Variants in CABP7 observed in about 807,000 individuals in gnomAD.
CABP7 encodes the protein calcium-binding protein 7.
Under a neutral mutation model 23.1 loss-of-function variants are expected in CABP7, and 13 were observed. The ratio of observed to expected loss-of-function variants is 0.56; its 90% confidence interval spans 0.37 to 0.90. The LOEUF is 0.90. Ranked by LOEUF, CABP7 falls within the 40% of genes least tolerant of loss-of-function variation. CABP7 has a pLI of 0.01. For missense variants in CABP7, 248 were observed against 295.6 expected, an observed-to-expected ratio of 0.84 and a Z score of 1.18; for synonymous variants, 123 against 115.3, an observed-to-expected ratio of 1.07 and a Z score of -0.43.
Position 29,731,559 on chromosome 22 carries a change from G to A in CABP7, c.*1990G>A, listed in dbSNP as rs1280001806. 3 of 564,280 alleles carry A rather than the reference G, an allele frequency of 5.3e-6. No individual in the cohort carries two copies. Among genetic ancestry groups the A allele is most frequent in the Non-Finnish European group, 5.8e-6 (2 of 342,782 alleles). The allele number at this position is 564,280 out of a possible 1,614,324, so 35.0% of individuals were successfully genotyped here. ...GAACTGAGCCCAAGGAAATAGCGGG[G>A]TTGCAGGCAGACATTGAGCTGCGAG... On this transcript the variant is annotated 3_prime_UTR_variant, in exon 5 of 5. Coordinates refer to ENST00000216144, the MANE Select transcript of CABP7 (RefSeq NM_182527.3).
At chr22:29,721,029 C>T (rs567508672) in intron 1 of CABP7, among the ~76,000 whole-genome samples, 18 of 152,270 alleles carry the variant, frequency 1.2e-4, no homozygotes, top group African/African-American at 4.3e-4. Flanking sequence ...CTGCTCTTGC[C>T]CGCTGCGGGG....
Position 29,729,583 on chromosome 22 carries a change from G to A in CABP7, c.*14G>A. ...GGCATGAAGTAGACGCCACCTGGAT[G>A]CCCCATCCACCGCATGCGGTGCCCG... On this transcript the variant is annotated 3_prime_UTR_variant, in exon 5 of 5. Coordinates refer to ENST00000216144, the MANE Select transcript of CABP7 (RefSeq NM_182527.3). 6.2e-7 allele frequency: 1 copy of A among 1,607,248 alleles called. No homozygotes were observed. Among genetic ancestry groups the A allele is most frequent in the Non-Finnish European group, 8.5e-7 (1 of 1,179,670 alleles).
rs1055834576 is a variant in CABP7 at position 29,720,337 on chromosome 22, C to T, written c.-88C>T. 8 of 605,158 alleles carry T rather than the reference C, an allele frequency of 1.3e-5. No individual in the cohort carries two copies. Among genetic ancestry groups the T allele is most frequent in the South Asian group, 5.9e-5 (1 of 16,970 alleles). The allele number at this position is 605,158 out of a possible 1,614,324, so 37.5% of individuals were successfully genotyped here. ...CCGCCCTCCGCAGCCGCGCGCCCCG[C>T]CCGCTCCAGCCGCCCCCGGGGCCGC... On this transcript the variant is annotated 5_prime_UTR_variant, in exon 1 of 5. Coordinates refer to ENST00000216144, the MANE Select transcript of CABP7 (RefSeq NM_182527.3). This position sits in a 1 kb window ranked among gnomAD's most constrained non-coding sequence, Gnocchi z 5.2.
At position 29,729,867 on chromosome 22, in the gene CABP7, G is replaced by C. The variant is rs994566147; in HGVS notation, c.*298G>C. The C allele has an allele frequency of 1.2e-5, 5 of 428,596 alleles. No homozygotes were observed. Among genetic ancestry groups the C allele is most frequent in the Non-Finnish European group, 2.1e-5 (5 of 235,746 alleles). 26.5% of individuals were successfully genotyped at this position (428,596 alleles called of 1,614,324 possible). On this transcript the variant is annotated 3_prime_UTR_variant, in exon 5 of 5. Coordinates refer to ENST00000216144, the MANE Select transcript of CABP7 (RefSeq NM_182527.3). ...CCAGGGGCTCCTGGGAAATTAAGGA[G>C]GGATTTGCACAGGAACCCCCAGGAC...
In CABP7 at chr22:29,720,782, G is replaced by A. The variant is rs1393270130; in HGVS notation, c.109+249G>A. Among the ~76,000 whole-genome samples the A allele has an allele frequency of 6.6e-6, 1 of 151,324 alleles. No homozygotes were observed. Among genetic ancestry groups the A allele is most frequent in the East Asian group, 1.9e-4 (1 of 5,130 alleles). On this transcript the variant is annotated intron_variant, in intron 1 of 4. Coordinates refer to ENST00000216144, the MANE Select transcript of CABP7 (RefSeq NM_182527.3). This position sits in a 1 kb window ranked among gnomAD's most constrained non-coding sequence, Gnocchi z 5.2. Reference sequence around the variant, plus strand: ...GTGGTCCCCAGCGCTGCGGAAACTTGCCGGGCCCCGCAGCGGGGTCACGGG... The same window carrying A: ...GTGGTCCCCAGCGCTGCGGAAACTTACCGGGCCCCGCAGCGGGGTCACGGG...
In CABP7 at chr22:29,725,844, G is replaced by A. The variant is rs5763437; in HGVS notation, c.110-1818G>A. Among the ~76,000 whole-genome samples, 7 of 152,338 alleles carry A rather than the reference G, an allele frequency of 4.6e-5. No individual in the cohort carries two copies. The East Asian group carries it at 1.4e-3, about 29-fold the overall frequency. ...TGGGGTGGGCAGAACATGTGGCCGG[G>A]CGAGGAGGCCAGCAGTGCTGGCCGG... On this transcript the variant is annotated intron_variant, in intron 1 of 4. Transcript: ENST00000216144.
chr22:29,720,608 CGGGGGCGGGGGGCG>C lies in CABP7; in HGVS notation c.109+84_109+97del. ...CCAGGTGAAGCGCGGGCCAGGGGCG[CGGGGGCGGGGGGCG>C]GGGGGCGGTCCGCAGGTGCCGGTTG... On this transcript the variant is annotated intron_variant, in intron 1 of 4. Coordinates refer to ENST00000216144, the MANE Select transcript of CABP7 (RefSeq NM_182527.3). This position sits in a 1 kb window ranked among gnomAD's most constrained non-coding sequence, Gnocchi z 5.2. The C allele has an allele frequency of 2.3e-6, 2 of 872,718 alleles. No individual in the cohort carries two copies. Among genetic ancestry groups the C allele is most frequent in the Non-Finnish European group, 1.6e-6 (1 of 622,320 alleles). 54.1% of individuals were successfully genotyped at this position (872,718 alleles called of 1,614,324 possible).
rs559839645 is a variant in CABP7, at chr22:29,729,627, C to T, written c.*58C>T. 710 of 1,590,832 alleles carry T rather than the reference C, an allele frequency of 4.5e-4. 10 individuals are homozygous for T. In the African/African-American group the frequency reaches 8.2e-3, roughly 18 times the overall value. On this transcript the variant is annotated 3_prime_UTR_variant, in exon 5 of 5. Transcript: ENST00000216144. The stretch of plus-strand genomic sequence containing the variant: ...GTGCCCGTGGCCCGCCCCACACCAC[C>T]GCCGCCTGCAGACCTCTCCCTTGGC...
rs750942247 is a variant in CABP7 at position 29,727,620 on chromosome 22, G to A, written c.110-42G>A. 9.3e-6 allele frequency: 15 copies of A among 1,611,676 alleles called. No homozygotes were observed. Among genetic ancestry groups the A allele is most frequent in the East Asian group, 6.7e-5 (3 of 44,818 alleles). ...GGGGGTCTGGAAAGGGGGTCTGTTG[G>A]GGACCGGGGTGAAGTCCCAGCCTAC... is the stretch of plus-strand genomic sequence containing the variant. On this transcript the variant is annotated intron_variant, in intron 1 of 4. Coordinates refer to ENST00000216144, the MANE Select transcript of CABP7 (RefSeq NM_182527.3). The surrounding 1 kb of genome is among the most constrained non-coding windows in gnomAD (Gnocchi z 4.2).
chr22:29,720,555 C>G lies in CABP7; in HGVS notation c.109+22C>G. ...GAGGGTGAGTGTCCGCCGGGATCCC[C>G]GCCCCGGCGGCCCTCCTACCTGTGC... is the stretch of plus-strand genomic sequence containing the variant. On this transcript the variant is annotated intron_variant, in intron 1 of 4. Transcript: ENST00000216144. This position sits in a 1 kb window ranked among gnomAD's most constrained non-coding sequence, Gnocchi z 5.2. The G allele has an allele frequency of 6.7e-7, 1 of 1,482,482 alleles. No homozygotes were observed. Among genetic ancestry groups the G allele is most frequent in the Non-Finnish European group, 9.1e-7 (1 of 1,103,858 alleles). The allele number at this position is 1,482,482 out of a possible 1,614,324, so 91.8% of individuals were successfully genotyped here. A position where few individuals can be genotyped will look rare whatever the true frequency, so the allele number is the denominator to read the frequency against.
Position 29,727,130 on chromosome 22 carries a change from G to T in CABP7, c.110-532G>T, listed in dbSNP as rs1052819832. Among the ~76,000 whole-genome samples, 2 of 152,210 alleles carry T rather than the reference G, an allele frequency of 1.3e-5. No individual in the cohort carries two copies. Among genetic ancestry groups the T allele is most frequent in the African/African-American group, 4.8e-5 (2 of 41,462 alleles). On this transcript the variant is annotated intron_variant, in intron 1 of 4. Coordinates refer to ENST00000216144, the MANE Select transcript of CABP7 (RefSeq NM_182527.3). The surrounding 1 kb of genome is among the most constrained non-coding windows in gnomAD (Gnocchi z 4.2). The stretch of plus-strand genomic sequence containing the variant: ...CCCCTCTGTCTTCCCTGAACCAAAA[G>T]AGGTCTGTGCCGCCTGTCAGCCCAT...
intron 1 of CABP7, among the ~76,000 whole-genome samples, chr22:29,726,555 C>T (rs934101333): frequency 6.6e-6 from 1 of 152,256 alleles, no homozygotes; most frequent in African/African-American, 2.4e-5. Flanking sequence ...TGTTTCTGGT[C>T]TGCAGCACGG....
Position 29,720,281 on chromosome 22 carries a change from A to C in CABP7, c.-144A>C. ...GGGCGCGGGGGCGCTAGGCCCCCGG[A>C]GGGGCGTCCCCAGCCTCGCCGCTGC... On this transcript the variant is annotated 5_prime_UTR_variant, in exon 1 of 5. Coordinates refer to ENST00000216144, the MANE Select transcript of CABP7 (RefSeq NM_182527.3). This position sits in a 1 kb window ranked among gnomAD's most constrained non-coding sequence, Gnocchi z 5.2. 6.1e-6 allele frequency: 1 copy of C among 164,538 alleles called. No individual in the cohort carries two copies. Among genetic ancestry groups the C allele is most frequent in the Non-Finnish European group, 1.2e-5 (1 of 84,440 alleles). The allele number at this position is 164,538 out of a possible 1,614,324, so 10.2% of individuals were successfully genotyped here. A position where few individuals can be genotyped will look rare whatever the true frequency, so the allele number is the denominator to read the frequency against.
chr22:29,731,084 G>T lies in CABP7; in HGVS notation c.*1515G>T. Reference sequence around the variant, plus strand: ...CAGACCCAGGACGAGGGCTGCACTTGGTGTGGCCGTGTCCTGAGCCTCAGT... The same window carrying T: ...CAGACCCAGGACGAGGGCTGCACTTTGTGTGGCCGTGTCCTGAGCCTCAGT... On this transcript the variant is annotated 3_prime_UTR_variant, in exon 5 of 5. Transcript: ENST00000216144. The T allele has an allele frequency of 2.3e-6, 2 of 878,076 alleles. No individual in the cohort carries two copies. Among genetic ancestry groups the T allele is most frequent in the Non-Finnish European group, 3.2e-6 (2 of 618,330 alleles). The allele number at this position is 878,076 out of a possible 1,614,324, so 54.4% of individuals were successfully genotyped here.
At position 29,731,611 on chromosome 22, in the gene CABP7, C is replaced by T. The variant is rs2067845616; in HGVS notation, c.*2042C>T. On this transcript the variant is annotated 3_prime_UTR_variant, in exon 5 of 5. Coordinates refer to ENST00000216144, the MANE Select transcript of CABP7 (RefSeq NM_182527.3). ...CAATGGGAATAACCTTCGTGTCCAC[C>T]TGTGGGGGACTGATTCAATACATAT... is the stretch of plus-strand genomic sequence containing the variant. 1 of 445,156 alleles carries T rather than the reference C, an allele frequency of 2.2e-6. No individual in the cohort carries two copies. The highest frequency in any genetic ancestry group is 2.9e-5 in the South Asian group (1 of 34,956). The allele number at this position is 445,156 out of a possible 1,614,324, so 27.6% of individuals were successfully genotyped here.
At chr22:29,725,006 G>T (rs535260076) in intron 1 of CABP7, among the ~76,000 whole-genome samples, 30 of 152,314 alleles carry the variant, frequency 2.0e-4, no homozygotes, top group African/African-American at 7.2e-4. Context: ...GGCAGGGGAG[G>T]GGGTGGCTCC....
chr22:29,720,910 C>T lies in CABP7; in HGVS notation c.109+377C>T, dbSNP rs977683048. On this transcript the variant is annotated intron_variant, in intron 1 of 4. Coordinates refer to ENST00000216144, the MANE Select transcript of CABP7 (RefSeq NM_182527.3). This position sits in a 1 kb window ranked among gnomAD's most constrained non-coding sequence, Gnocchi z 5.2. ...CGGCCGGAGCACCCGCATCCTGATC[C>T]CCTCCGCGGCGCCCGCCCGCGGCTC... Among the ~76,000 whole-genome samples the T allele has an allele frequency of 7.2e-5, 11 of 151,790 alleles. No individual in the cohort carries two copies. The highest frequency in any genetic ancestry group is 2.4e-4 in the African/African-American group (10 of 41,354).
Position 29,731,140 on chromosome 22 carries a change from T to G in CABP7, c.*1571T>G. 7.2e-7 allele frequency: 1 copy of G among 1,383,430 alleles called. No individual in the cohort carries two copies. Among genetic ancestry groups the G allele is most frequent in the South Asian group, 1.7e-5 (1 of 58,090 alleles). The allele number at this position is 1,383,430 out of a possible 1,614,324, so 85.7% of individuals were successfully genotyped here. A position where few individuals can be genotyped will look rare whatever the true frequency, so the allele number is the denominator to read the frequency against. ...TGGGCAGATGGTCTCGGAGCCTCCA[T>G]GGGGCGTAGCAGGAACCGGGCTTGG... On this transcript the variant is annotated 3_prime_UTR_variant, in exon 5 of 5. Transcript: ENST00000216144.
intron 1 of CABP7, among the ~76,000 whole-genome samples, chr22:29,722,625 C>T (rs1457033389): frequency 6.6e-6 from 1 of 152,268 alleles, no homozygotes; most frequent in Non-Finnish European, 1.5e-5. Context: ...TAAAAGCCCT[C>T]TGGCGGCCCC....
Sources: gnomAD v4.1 joint callset for allele counts (sites outside exome capture counted in the v4.1 genomes callset) on GRCh38, gnomAD v4.1.1 for gene constraint, Gnocchi (gnomAD v3.1) non-coding constraint, MANE v1.5 for transcripts, NCBI Gene and HGNC (gene_info 2026-07-23, HGNC 2026-07-21) for gene names.